NFIB: variants seen among roughly 807,000 people sequenced by gnomAD.
NFIB encodes nuclear factor 1 B-type.
NFIB carries 11 observed loss-of-function variants against 61.5 expected under a neutral mutation model. The ratio of observed to expected loss-of-function variants is 0.18; its 90% confidence interval spans 0.11 to 0.30. The LOEUF (loss-of-function observed/expected upper bound fraction) is 0.30. Among genes scored for constraint, NFIB ranks in the 10% least tolerant of loss-of-function variants. The pLI is 1.00. For missense variants in NFIB, 471 were observed against 608.9 expected (o/e 0.77, Z 2.38); for synonymous variants, 260 against 216.5 (o/e 1.20, Z -1.76).
In NFIB at chr9:14,239,103, TC is replaced by T. The variant is rs928577277; in HGVS notation, c.563-59324del. ...GGTAATATGCCCATTACATAGGGATTCTAAGAAACTAAAATTAAGAAATTTG... is the reference window on the plus strand; with the variant it reads ...GGTAATATGCCCATTACATAGGGATTTAAGAAACTAAAATTAAGAAATTTG... On this transcript the variant is annotated intron_variant, in intron 2 of 10. Transcript: ENST00000380953. Among the ~76,000 whole-genome samples the T allele has an allele frequency of 7.9e-5, 12 of 152,202 alleles. 1 individual carries two copies. The highest frequency in any genetic ancestry group is 2.6e-4 in the Admixed American group (4 of 15,274).
intron 4 of NFIB, among the ~76,000 whole-genome samples, chr9:14,155,147 T>C (rs1225772440): frequency 1.3e-5 from 2 of 152,136 alleles, no homozygotes; most frequent in African/African-American, 4.8e-5. Flanking sequence ...TTAGTACATA[T>C]AGATCTGCAT....
chr9:14,430,287 C>T, the NFIB span, among the ~76,000 whole-genome samples: 76 of 151,756 alleles, frequency 5.0e-4, no homozygotes, highest in East Asian at 0.012. Context: ...TACACCAACA[C>T]GAGGGACAGA....
chr9:14,449,972 TAA>T, the NFIB span, among the ~76,000 whole-genome samples: 1 of 151,802 alleles, frequency 6.6e-6, no homozygotes, highest in Non-Finnish European at 1.5e-5. Context: ...AAATTTTTTT[TAA>T]AAAAAATTAT....
intron 10 of NFIB, 105 bp downstream of exon 10, chr9:14,112,894 G>A: frequency 1.9e-6 from 2 of 1,043,534 alleles, no homozygotes; most frequent in South Asian, 1.6e-5. Flanking sequence ...TTTGGTCTCA[G>A]AAGCCCCGGG....
chr9:14,283,611 T>G (rs77137732), intron 2 of NFIB, among the ~76,000 whole-genome samples: 170 of 152,346 alleles, frequency 1.1e-3, no homozygotes, highest in African/African-American at 3.9e-3. Context: ...TGAACTCAAG[T>G]TGATTTGGCC....
intron 9 of NFIB, among the ~76,000 whole-genome samples, chr9:14,113,932 A>G (rs77852210): frequency 0.063 from 9,535 of 152,200 alleles, 439 homozygotes; most frequent in Middle Eastern, 0.13. Context: ...AGCTACTCCT[A>G]AAGACTTTTG....
intron 1 of NFIB, among the ~76,000 whole-genome samples, chr9:14,310,702 G>T (rs2060239349): frequency 6.6e-6 from 1 of 152,078 alleles, no homozygotes; most frequent in Non-Finnish European, 1.5e-5. Context: ...AGGCAACTTT[G>T]CTCTTTCAGA....
chr9:14,211,187 T>C, intron 2 of NFIB, among the ~76,000 whole-genome samples: 1 of 152,220 alleles, frequency 6.6e-6, no homozygotes, highest in Non-Finnish European at 1.5e-5. Context: ...TCCTCTACAA[T>C]ATTGTATTCA....
chr9:14,379,957 A>G (rs896270009), intron 1 of NFIB, among the ~76,000 whole-genome samples: 3 of 151,954 alleles, frequency 2.0e-5, no homozygotes, highest in African/African-American at 7.3e-5. Context: ...TACTGGGATT[A>G]CAGGTGTGAG....
At chr9:14,292,585 T>C (rs1043832662) in intron 2 of NFIB, among the ~76,000 whole-genome samples, 2 of 152,206 alleles carry the variant, frequency 1.3e-5, no homozygotes, top group Non-Finnish European at 2.9e-5. Flanking sequence ...GGATGTCCTC[T>C]AGGCCAATTC....
intron 6 of NFIB, among the ~76,000 whole-genome samples, chr9:14,126,526 T>C (rs2039667336): frequency 6.6e-6 from 1 of 152,224 alleles, no homozygotes; most frequent in African/African-American, 2.4e-5. Context: ...TGGTGCCATT[T>C]TCAAAATGTG....
chr9:14,102,174 T>G (rs1044082163), intron 10 of NFIB, among the ~76,000 whole-genome samples: 1 of 152,096 alleles, frequency 6.6e-6, no homozygotes, highest in Non-Finnish European at 1.5e-5. Flanking sequence ...AAAAACAGTA[T>G]AAATTGTAGA....
chr9:14,420,668 G>A, the NFIB span, among the ~76,000 whole-genome samples: 16 of 152,134 alleles, frequency 1.1e-4, no homozygotes, highest in African/African-American at 3.9e-4. Context: ...GAAAGGAAGA[G>A]AAGAATCCAA....
chr9:14,306,702 C>A (rs958001160), intron 2 of NFIB, among the ~76,000 whole-genome samples: 1 of 152,082 alleles, frequency 6.6e-6, no homozygotes, highest in Non-Finnish European at 1.5e-5. Context: ...TGTTAGACTA[C>A]CCTATGTCTT....
intron 10 of NFIB, among the ~76,000 whole-genome samples, chr9:14,111,294 G>A (rs2037333153): frequency 6.6e-6 from 1 of 152,110 alleles, no homozygotes; most frequent in South Asian, 2.1e-4. Flanking sequence ...AATTACATGA[G>A]GCTTCGACAT....
At chr9:14,445,781 T>C in the NFIB span, among the ~76,000 whole-genome samples, 1 of 152,228 alleles carries the variant, frequency 6.6e-6, no homozygotes, top group Non-Finnish European at 1.5e-5. Flanking sequence ...CCTGACACTA[T>C]TTATTGTTTT....
chr9:14,263,598 G>A (rs904142202), intron 2 of NFIB, among the ~76,000 whole-genome samples: 3 of 152,152 alleles, frequency 2.0e-5, no homozygotes, highest in African/African-American at 7.2e-5. Flanking sequence ...TGCGACCTCA[G>A]AAGGATCTGA....
At chr9:14,344,645 G>C (rs2060997607) in intron 1 of NFIB, among the ~76,000 whole-genome samples, 1 of 151,900 alleles carries the variant, frequency 6.6e-6, no homozygotes, top group African/African-American at 2.4e-5. Context: ...TAATAATTGA[G>C]AGTCAGTGTT....
chr9:14,311,544 A>T (rs2060278389), intron 1 of NFIB, among the ~76,000 whole-genome samples: 1 of 138,818 alleles, frequency 7.2e-6, no homozygotes, highest in South Asian at 2.4e-4. Context: ...TAGTCATCAC[A>T]AGTTATTGTT....
Sources: allele counts gnomAD v4.1 joint callset (sites outside exome capture counted in the v4.1 genomes callset), GRCh38; gene constraint gnomAD v4.1.1; transcripts MANE v1.5; gene names NCBI Gene and HGNC (gene_info 2026-07-23, HGNC 2026-07-21).